Variants in LRRC4C observed in about 807,000 individuals in gnomAD.
LRRC4C encodes leucine rich repeat containing 4C, also known as leucine-rich repeat-containing protein 4C.
A neutral mutation model predicts 33.6 loss-of-function variants in LRRC4C; 5 were observed. The observed-to-expected ratio is 0.15, with a 90% CI of 0.08 to 0.31. The LOEUF is 0.31. LRRC4C is among the 10% of genes least tolerant of loss of function. LRRC4C has a pLI of 1.00. For missense variants in LRRC4C, 560 were observed against 796.7 expected (o/e 0.70, Z 3.58); for synonymous variants, 329 against 302.0 (o/e 1.09, Z -0.93).
intron 2 of LRRC4C, among the ~76,000 whole-genome samples, chr11:40,678,985 C>G (rs1944545577): frequency 6.6e-6 from 1 of 152,076 alleles, no homozygotes; most frequent in Non-Finnish European, 1.5e-5. Context: ...AAGTTTGGAA[C>G]TCCCTACACA....
intron 5 of LRRC4C, among the ~76,000 whole-genome samples, chr11:40,144,648 C>T (rs1489323747): frequency 2.6e-5 from 4 of 152,106 alleles, no homozygotes; most frequent in Non-Finnish European, 5.9e-5. Context: ...ATCTGACCCT[C>T]AACAAATATA....
intron 2 of LRRC4C, among the ~76,000 whole-genome samples, chr11:40,789,496 TTCTC>T (rs892856190): frequency 8.6e-5 from 13 of 151,044 alleles, no homozygotes; most frequent in East Asian, 1.9e-4. Flanking sequence ...CATATCTTTC[TTCTC>T]TCTCTCTCTC....
chr11:40,268,614 G>T (rs1330533122), intron 4 of LRRC4C, among the ~76,000 whole-genome samples: 1 of 151,682 alleles, frequency 6.6e-6, no homozygotes, highest in African/African-American at 2.4e-5. Flanking sequence ...TTCAGAGACT[G>T]GATTAGAATT....
At chr11:41,246,912 C>T (rs1322831112) in intron 1 of LRRC4C, among the ~76,000 whole-genome samples, 1 of 152,170 alleles carries the variant, frequency 6.6e-6, no homozygotes, top group Non-Finnish European at 1.5e-5. Context: ...ATAAGAAACA[C>T]CTTTTCAGAA....
intron 1 of LRRC4C, among the ~76,000 whole-genome samples, chr11:41,037,909 T>C (rs1261243348): frequency 6.6e-6 from 1 of 152,212 alleles, no homozygotes; most frequent in Non-Finnish European, 1.5e-5. Context: ...TACCCACATT[T>C]ATTTCCTCCT....
intron 5 of LRRC4C, among the ~76,000 whole-genome samples, chr11:40,184,586 T>C (rs1424977297): frequency 6.6e-6 from 1 of 152,190 alleles, no homozygotes; most frequent in Non-Finnish European, 1.5e-5. Context: ...GGGGAGGTCA[T>C]TGAATTTCTA....
chr11:41,093,719 T>C (rs1174620000), intron 1 of LRRC4C, among the ~76,000 whole-genome samples: 1 of 152,008 alleles, frequency 6.6e-6, no homozygotes, highest in Non-Finnish European at 1.5e-5. Context: ...GCCATTTACC[T>C]GCATATAATG....
chr11:40,427,372 T>C (rs1025022074), intron 3 of LRRC4C, among the ~76,000 whole-genome samples: 20 of 152,040 alleles, frequency 1.3e-4, no homozygotes, highest in Non-Finnish European at 2.9e-5. Flanking sequence ...CCAGGCATGG[T>C]GGTGCACACC....
chr11:40,750,879 C>T (rs1565013107), intron 2 of LRRC4C, among the ~76,000 whole-genome samples: 1 of 150,770 alleles, frequency 6.6e-6, no homozygotes, highest in African/African-American at 2.4e-5. Context: ...CAACAAAATA[C>T]TAATTAACCA....
chr11:40,432,502 A>G (rs77367218), intron 3 of LRRC4C, among the ~76,000 whole-genome samples: 5,565 of 152,296 alleles, frequency 0.037, 341 homozygotes, highest in African/African-American at 0.13. Flanking sequence ...CATTGACAAG[A>G]CTGGAGTTTC....
intron 2 of LRRC4C, among the ~76,000 whole-genome samples, chr11:40,875,756 C>T (rs946712409): frequency 2.6e-5 from 4 of 151,982 alleles, no homozygotes; most frequent in African/African-American, 4.8e-5. Context: ...TCCATGAACT[C>T]GGGCAGGTGG....
At chr11:40,751,639 A>G (rs2136993427) in intron 2 of LRRC4C, among the ~76,000 whole-genome samples, 1 of 152,244 alleles carries the variant, frequency 6.6e-6, no homozygotes, top group South Asian at 2.1e-4. Flanking sequence ...ATGCTCATGA[A>G]TTGGAAGAAT....
intron 1 of LRRC4C, among the ~76,000 whole-genome samples, chr11:41,111,153 G>C (rs1021263955): frequency 6.6e-6 from 1 of 152,060 alleles, no homozygotes; most frequent in Admixed American, 6.6e-5. Context: ...AAATTAAAGG[G>C]TTGAGAATTT....
intron 1 of LRRC4C, among the ~76,000 whole-genome samples, chr11:40,940,023 T>C (rs1415987031): frequency 6.6e-6 from 1 of 152,186 alleles, no homozygotes; most frequent in Non-Finnish European, 1.5e-5. Context: ...AGTTTGGTTC[T>C]ATCTCTCAAG....
At chr11:40,951,992 C>T (rs1317660886) in intron 1 of LRRC4C, among the ~76,000 whole-genome samples, 1 of 151,736 alleles carries the variant, frequency 6.6e-6, no homozygotes, top group Non-Finnish European at 1.5e-5. Context: ...AAAATTTGCT[C>T]TAAGGGTTAA....
intron 3 of LRRC4C, among the ~76,000 whole-genome samples, chr11:40,493,512 C>T (rs1396215875): frequency 6.6e-6 from 1 of 151,842 alleles, no homozygotes; most frequent in Non-Finnish European, 1.5e-5. Context: ...CAGATGTGCT[C>T]ATGAAGATGG....
At chr11:40,777,877 A>G (rs370383410) in intron 2 of LRRC4C, among the ~76,000 whole-genome samples, 18 of 151,750 alleles carry the variant, frequency 1.2e-4, no homozygotes, top group East Asian at 7.8e-4. Flanking sequence ...ATTAATAGAG[A>G]CAGTGTTTCA....
intron 2 of LRRC4C, among the ~76,000 whole-genome samples, chr11:40,715,165 G>A (rs1369613608): frequency 6.6e-6 from 1 of 152,132 alleles, no homozygotes; most frequent in East Asian, 1.9e-4. Flanking sequence ...AGATACATAT[G>A]CTACTCTCAG....
chr11:41,144,056 C>T (rs1943627221), intron 1 of LRRC4C, among the ~76,000 whole-genome samples: 1 of 152,132 alleles, frequency 6.6e-6, no homozygotes, highest in Non-Finnish European at 1.5e-5. Context: ...ATTTCTAAAC[C>T]AAAGGATGGC....
Sources: gnomAD v4.1 joint callset for allele counts (sites outside exome capture counted in the v4.1 genomes callset) on GRCh38, gnomAD v4.1.1 for gene constraint, MANE v1.5 for transcripts, NCBI Gene and HGNC (gene_info 2026-07-23, HGNC 2026-07-21) for gene names.